GALNT13: variants seen among roughly 807,000 people sequenced by gnomAD.
GALNT13 encodes the protein UDP-GalNAc:polypeptide N-acetylgalactosaminyltransferase 13.
Under a neutral mutation model 64.2 loss-of-function variants are expected in GALNT13, and 28 were observed. That is an observed-to-expected ratio of 0.44 (90% CI 0.32 to 0.60). GALNT13 has a LOEUF of 0.60. GALNT13 is among the 20% of genes least tolerant of loss of function. GALNT13 has a pLI of 0.05. For missense variants in GALNT13, 577 were observed against 669.8 expected (o/e 0.86, Z 1.53); for synonymous variants, 214 against 224.6 (o/e 0.95, Z 0.42).
At chr2:153,985,727 T>A (rs1016583945) in intron 3 of GALNT13, among the ~76,000 whole-genome samples, 3 of 152,028 alleles carry the variant, frequency 2.0e-5, no homozygotes, top group African/African-American at 7.2e-5. Context: ...CCCCAACCAC[T>A]GCTTGACATC....
the GALNT13 span, among the ~76,000 whole-genome samples, chr2:153,622,728 A>T: frequency 1.3e-5 from 2 of 152,170 alleles, no homozygotes; most frequent in African/African-American, 4.8e-5. Context: ...GTATTAATAA[A>T]ATTTAACTTT....
rs1404105316 is a variant in GALNT13 at position 154,269,904 on chromosome 2, G to GTATATATATATATATATATATA, written c.975+10767_975+10768insATATATATATATATATATATAT. On this transcript the variant is annotated intron_variant, in intron 8 of 12. Coordinates refer to ENST00000392825, the MANE Select transcript of GALNT13 (RefSeq NM_052917.4). ...TTGTCATATATATATTTATATATAT[G>GTATATATATATATATATATATA]TGTATATATATATATATATATTTCT... Among the ~76,000 whole-genome samples the GTATATATATATATATATATATA allele has an allele frequency of 4.6e-4, 6 of 13,180 alleles. No homozygotes were observed. The Admixed American group carries it at 5.1e-3, about 11-fold the overall frequency. The allele number at this position is 13,180 out of a possible 152,430, so 8.6% of individuals were successfully genotyped here. A position where few individuals can be genotyped will look rare whatever the true frequency, so the allele number is the denominator to read the frequency against.
chr2:154,415,701 T>C (rs1370842202), intron 11 of GALNT13, among the ~76,000 whole-genome samples: 2 of 152,314 alleles, frequency 1.3e-5, no homozygotes, highest in African/African-American at 4.8e-5. Flanking sequence ...ACAAATACTT[T>C]GTTTCATTAC....
the GALNT13 span, among the ~76,000 whole-genome samples, chr2:153,683,577 A>AAATTAT: frequency 6.6e-6 from 1 of 151,642 alleles, no homozygotes; most frequent in Non-Finnish European, 1.5e-5. Context: ...TATGATTCTT[A>AAATTAT]AGTGTTAGAT....
At chr2:154,306,054 A>G (rs902540780) in intron 9 of GALNT13, among the ~76,000 whole-genome samples, 6 of 152,166 alleles carry the variant, frequency 3.9e-5, no homozygotes, top group African/African-American at 1.4e-4. Flanking sequence ...AATTGTGGCA[A>G]ATAAGCCTTT....
chr2:154,399,258 T>C (rs1359954756), intron 10 of GALNT13, among the ~76,000 whole-genome samples: 2 of 152,050 alleles, frequency 1.3e-5, no homozygotes, highest in South Asian at 2.1e-4. Flanking sequence ...CTCTATTTAA[T>C]AAAAATAAAA....
the GALNT13 span, among the ~76,000 whole-genome samples, chr2:153,160,987 G>A: frequency 6.6e-6 from 1 of 152,196 alleles, no homozygotes; most frequent in African/African-American, 2.4e-5. Flanking sequence ...TGCAAGGTAG[G>A]GTTGGCTAGG....
At chr2:153,807,175 T>C in the GALNT13 span, among the ~76,000 whole-genome samples, 1 of 152,070 alleles carries the variant, frequency 6.6e-6, no homozygotes, top group African/African-American at 2.4e-5. Flanking sequence ...TCATAAGTTA[T>C]CACTTATGAC....
the GALNT13 span, among the ~76,000 whole-genome samples, chr2:153,553,528 G>A: frequency 6.6e-6 from 1 of 152,142 alleles, no homozygotes; most frequent in Admixed American, 6.5e-5. Flanking sequence ...AAGATTATTG[G>A]ATGAGAGCAG....
rs558391640 is a variant in GALNT13, at chr2:154,016,616, C to G, written c.142+71977C>G. On this transcript the variant is annotated intron_variant, in intron 3 of 12. Coordinates refer to ENST00000392825, the MANE Select transcript of GALNT13 (RefSeq NM_052917.4). ...AATTTTTAGTAGAGACGAGGTTTCA[C>G]CATATTGGCCAGGCTGGTCTTGAAC... is the stretch of plus-strand genomic sequence containing the variant. Among the ~76,000 whole-genome samples the G allele has an allele frequency of 1.2e-4, 18 of 152,086 alleles. 1 individual carries two copies. The South Asian group carries it at 2.5e-3, about 21-fold the overall frequency.
the GALNT13 span, among the ~76,000 whole-genome samples, chr2:153,365,246 G>T: frequency 8.6e-5 from 13 of 151,746 alleles, no homozygotes; most frequent in African/African-American, 2.9e-4. Context: ...TTAACTTAAG[G>T]TATATTAAAG....
At chr2:153,351,672 C>T in the GALNT13 span, among the ~76,000 whole-genome samples, 5 of 152,234 alleles carry the variant, frequency 3.3e-5, no homozygotes, top group African/African-American at 1.2e-4. Context: ...GTCTCCAAAG[C>T]ATTACCTTTC....
Position 154,361,097 on chromosome 2 carries a change from A to G in GALNT13, c.1157-34894A>G, listed in dbSNP as rs563166809. 9.9e-5 allele frequency among the ~76,000 whole-genome samples: 15 copies of G among 152,146 alleles called. No homozygotes were observed. The South Asian group carries it at 2.9e-3, about 29-fold the overall frequency. On this transcript the variant is annotated intron_variant, in intron 9 of 12. Transcript: ENST00000392825. ...CTTGCATAAATAGCCTAATTTCTCT[A>G]CATATTTTTCATATTAAACACCCAA...
chr2:153,345,719 G>GTCTGTCCTTCCTTCCT, the GALNT13 span, among the ~76,000 whole-genome samples: 1 of 79,976 alleles, frequency 1.3e-5, no homozygotes, highest in Non-Finnish European at 2.5e-5. Context: ...CTCTCTTTCT[G>GTCTGTCCTTCCTTCCT]TCCTTCCTTC....
chr2:153,980,625 A>T (rs1438399611), intron 3 of GALNT13, among the ~76,000 whole-genome samples: 1 of 152,100 alleles, frequency 6.6e-6, no homozygotes, highest in African/African-American at 2.4e-5. Flanking sequence ...TTCATGTAAG[A>T]GTTTTGAGTC....
the GALNT13 span, among the ~76,000 whole-genome samples, chr2:153,116,166 G>A: frequency 6.6e-6 from 1 of 152,042 alleles, no homozygotes; most frequent in African/African-American, 2.4e-5. Context: ...CTTAATTATT[G>A]TACAAAGGAC....
chr2:153,225,579 A>G, the GALNT13 span, among the ~76,000 whole-genome samples: 1 of 152,224 alleles, frequency 6.6e-6, no homozygotes, highest in Non-Finnish European at 1.5e-5. Context: ...GTCTACAAAA[A>G]AATTCCAAAA....
chr2:153,423,331 ACT>A, the GALNT13 span: 1 of 151,830 alleles, frequency 6.6e-6, no homozygotes, highest in Admixed American at 6.6e-5. Context: ...TATAATATAA[ACT>A]CTTAACAAAT....
At chr2:153,294,556 T>C in the GALNT13 span, among the ~76,000 whole-genome samples, 1 of 152,176 alleles carries the variant, frequency 6.6e-6, no homozygotes, top group African/African-American at 2.4e-5. Flanking sequence ...CTGACATGTC[T>C]TTGAATTATG....
Sources: allele counts gnomAD v4.1 joint callset (sites outside exome capture counted in the v4.1 genomes callset), GRCh38; gene constraint gnomAD v4.1.1; transcripts MANE v1.5; gene names NCBI Gene and HGNC (gene_info 2026-07-23, HGNC 2026-07-21).